ATP23: variants seen among roughly 807,000 people sequenced by gnomAD.
ATP23 encodes mitochondrial inner membrane protease ATP23 homolog.
A neutral mutation model predicts 28.5 loss-of-function variants in ATP23; 24 were observed. The ratio of observed to expected loss-of-function variants is 0.84; its 90% confidence interval spans 0.61 to 1.18. The LOEUF (loss-of-function observed/expected upper bound fraction) is 1.18. Among genes scored for constraint, ATP23 ranks in the 50% most tolerant of loss-of-function variants. ATP23 has a pLI of 0.00. For missense variants in ATP23, 274 were observed against 306.4 expected, an observed-to-expected ratio of 0.89 and a Z score of 0.79; for synonymous variants, 99 against 108.6, an observed-to-expected ratio of 0.91 and a Z score of 0.55.
At chr12:57,950,876 T>C (rs1565876032) in intron 3 of ATP23, among the ~76,000 whole-genome samples, 1 of 152,338 alleles carries the variant, frequency 6.6e-6, no homozygotes, top group South Asian at 2.1e-4. Flanking sequence ...ATGACAACTG[T>C]CATTGCATGT....
chr12:57,941,639 C>T lies in ATP23; in HGVS notation c.-63C>T. The T allele has an allele frequency of 2.6e-6, 4 of 1,555,178 alleles. No individual in the cohort carries two copies. The highest frequency in any genetic ancestry group is 1.8e-5 in the Admixed American group (1 of 54,404). ...GTCGCGTTGGCGGGAGGGAGGTTAC[C>T]TTTCCCAGTCTCGCTCTGGCCGCCT... On this transcript the variant is annotated 5_prime_UTR_variant, in exon 1 of 6. Coordinates refer to ENST00000300145, the MANE Select transcript of ATP23 (RefSeq NM_033276.4).
rs771749199 is a variant in ATP23, at chr12:57,951,796, T to C, written c.354T>C (p.His118=). Residue 118 remains histidine, a synonymous_variant, in exon 4 of 6, where the codon CAT becomes CAC. Coordinates refer to ENST00000300145, the MANE Select transcript of ATP23 (RefSeq NM_033276.4). ...LCQNNIHNQA[H]MNRVVTHELI... ...AGAATAATATCCATAATCAGGCCCATATGAACAGAGTGGTCACACACGAGC... is the reference window on the plus strand; with the variant it reads ...AGAATAATATCCATAATCAGGCCCACATGAACAGAGTGGTCACACACGAGC... The C allele has an allele frequency of 6.2e-7, 1 of 1,614,180 alleles. No individual in the cohort carries two copies. Among genetic ancestry groups the C allele is most frequent in the Non-Finnish European group, 8.5e-7 (1 of 1,180,028 alleles).
At chr12:57,945,899 C>T (rs116936883) in intron 2 of ATP23, among the ~76,000 whole-genome samples, 1,829 of 148,476 alleles carry the variant, frequency 0.012, 19 homozygotes, top group Non-Finnish European at 0.02. Flanking sequence ...GAGTCTCGCT[C>T]TTGTTGTCCA....
intron 3 of ATP23, among the ~76,000 whole-genome samples, chr12:57,951,200 G>T (rs1050354666): frequency 2.0e-4 from 31 of 152,066 alleles, no homozygotes; most frequent in African/African-American, 7.5e-4. Context: ...GGACAGTGGT[G>T]GTCATTCCTT....
rs2140544602 is a variant in ATP23 at position 57,956,675 on chromosome 12, CCTT to C, written c.538-8_538-6del. On this transcript the variant is annotated splice_polypyrimidine_tract_variant and intron_variant, in intron 5 of 5. Coordinates refer to ENST00000300145, the MANE Select transcript of ATP23 (RefSeq NM_033276.4). ...TATAAAATTAGAGCCTCATACTTTT[CCTT>C]CTTTTTAGACTTGTGTGCGAGACAG... 1 of 1,568,918 alleles carries C rather than the reference CCTT, an allele frequency of 6.4e-7. No individual in the cohort carries two copies. The highest frequency in any genetic ancestry group is 2.3e-5 in the East Asian group (1 of 43,568).
intron 3 of ATP23, 127 bp downstream of exon 3, chr12:57,947,203 T>C: frequency 1.2e-6 from 1 of 818,758 alleles, no homozygotes; most frequent in Non-Finnish European, 1.9e-6. Flanking sequence ...GAATTAGTTA[T>C]CCTTACTCTA....
At chr12:57,950,683 C>T (rs1334036123) in intron 3 of ATP23, among the ~76,000 whole-genome samples, 1 of 151,938 alleles carries the variant, frequency 6.6e-6, no homozygotes, top group East Asian at 1.9e-4. Context: ...TGCCACCATG[C>T]CTGGCTAATT....
Position 57,945,678 on chromosome 12 carries a change from G to A in ATP23, c.233+5G>A. ...TGCTATGAAACACTCAGGTTGGTAA[G>A]TAACTCTTTTTGAAGTGCTGCTCTG... On this transcript the variant is annotated splice_donor_5th_base_variant and intron_variant, in intron 2 of 5. Transcript: ENST00000300145. The A allele has an allele frequency of 6.2e-7, 1 of 1,613,606 alleles. No homozygotes were observed. Among genetic ancestry groups the A allele is most frequent in the South Asian group, 1.1e-5 (1 of 91,058 alleles).
rs771745355 is a variant in ATP23, at chr12:57,957,274, A to G, written c.*384A>G. On this transcript the variant is annotated 3_prime_UTR_variant, in exon 6 of 6. Transcript: ENST00000300145. ...ATGTAAAGAAATGTGTACTGATCTCATTGTAGGATACTTATTGAGCTGTTG... is the reference window on the plus strand; with the variant it reads ...ATGTAAAGAAATGTGTACTGATCTCGTTGTAGGATACTTATTGAGCTGTTG... The G allele has an allele frequency of 8.6e-5, 14 of 162,640 alleles. No homozygotes were observed. Among genetic ancestry groups the G allele is most frequent in the Non-Finnish European group, 8.0e-5 (6 of 75,260 alleles). 10.1% of individuals were successfully genotyped at this position (162,640 alleles called of 1,614,324 possible).
chr12:57,950,230 T>C (rs1320863850), intron 3 of ATP23, among the ~76,000 whole-genome samples: 2 of 152,194 alleles, frequency 1.3e-5, no homozygotes, highest in South Asian at 2.1e-4. Flanking sequence ...CCATTGCTCT[T>C]AGGGTAAAGA....
chr12:57,957,187 A>C lies in ATP23; in HGVS notation c.*297A>C. 1 of 240,378 alleles carries C rather than the reference A, an allele frequency of 4.2e-6. No individual in the cohort carries two copies. The highest frequency in any genetic ancestry group is 7.9e-6 in the Non-Finnish European group (1 of 126,660). The allele number at this position is 240,378 out of a possible 1,614,324, so 14.9% of individuals were successfully genotyped here. On this transcript the variant is annotated 3_prime_UTR_variant, in exon 6 of 6. Coordinates refer to ENST00000300145, the MANE Select transcript of ATP23 (RefSeq NM_033276.4). Reference sequence around the variant, plus strand: ...GTGATTATTTTAAAATTTGATTATGAAACCTGTGAAGTGTGCTCTTCCATG... The same window carrying C: ...GTGATTATTTTAAAATTTGATTATGCAACCTGTGAAGTGTGCTCTTCCATG...
chr12:57,947,161 G>A, intron 3 of ATP23, 85 bp downstream of exon 3: 1 of 1,303,994 alleles, frequency 7.7e-7, no homozygotes, highest in South Asian at 1.3e-5. Flanking sequence ...TCGGCATTCT[G>A]TTTGGTAGAC....
Position 57,941,713 on chromosome 12 carries a change from TCCGGACGAGCGCCGGCGGGGCC to T in ATP23, c.16_37del (p.Asp6ArgfsTer45). On this transcript the variant is annotated frameshift_variant, in exon 1 of 6. Transcript: ENST00000300145. LOFTEE classifies it high-confidence loss of function. ...GGTCTGCGGGAGGCATGGCGGGAGCTCCGGACGAGCGCCGGCGGGGCCCCGCGGCAGGGGAGCAGCTGCAGCA... is the reference window on the plus strand; with the variant it reads ...GGTCTGCGGGAGGCATGGCGGGAGCTCCGCGGCAGGGGAGCAGCTGCAGCA... 1.9e-6 allele frequency: 3 copies of T among 1,602,280 alleles called. No individual in the cohort carries two copies. Among genetic ancestry groups the T allele is most frequent in the Non-Finnish European group, 2.6e-6 (3 of 1,175,698 alleles).
chr12:57,949,313 A>G (rs1352844583), intron 3 of ATP23, among the ~76,000 whole-genome samples: 1 of 152,044 alleles, frequency 6.6e-6, no homozygotes, highest in African/African-American at 2.4e-5. Flanking sequence ...TAGCATTTAA[A>G]TGTCAAAGTC....
chr12:57,956,781 C>T lies in ATP23; in HGVS notation c.632C>T (p.Ser211Phe). 1 of 1,613,926 alleles carries T rather than the reference C, an allele frequency of 6.2e-7. No individual in the cohort carries two copies. Among genetic ancestry groups the T allele is most frequent in the East Asian group, 2.2e-5 (1 of 44,830 alleles). ...AAGGCTGTTGATGAAGTTTTTGAAT[C>T]TTGTTTCAATGACCATGAACCTTTT... The part of the protein sequence containing the change: ...AKKAVDEVFE[S>F]CFNDHEPFGR... The change falls in exon 6 of 6, where the codon TCT becomes TTT. Residue 211 changes from serine to phenylalanine, a missense_variant. By Grantham distance (155) the Ser-to-Phe change is radical. Transcript: ENST00000300145.
chr12:57,946,553 G>A (rs184020204), intron 2 of ATP23, among the ~76,000 whole-genome samples: 1,544 of 150,628 alleles, frequency 0.01, 6 homozygotes, highest in Non-Finnish European at 0.015. Flanking sequence ...CGCCTCCCGG[G>A]TTCAAGAGAT....
rs1477173961 is a variant in ATP23 at position 57,958,551 on chromosome 12, C to T, written c.*1661C>T. On this transcript the variant is annotated 3_prime_UTR_variant, in exon 6 of 6. Transcript: ENST00000300145. ...AGCCGAGAGACCCATAGACGGTTCA[C>T]ATCACAGGATTCTGTGCAGGCAACC... Among the ~76,000 whole-genome samples the T allele has an allele frequency of 6.6e-6, 1 of 152,230 alleles. No individual in the cohort carries two copies. Among genetic ancestry groups the T allele is most frequent in the Non-Finnish European group, 1.5e-5 (1 of 68,052 alleles).
At chr12:57,955,678 C>G (rs1565878412) in intron 5 of ATP23, among the ~76,000 whole-genome samples, 1 of 152,166 alleles carries the variant, frequency 6.6e-6, no homozygotes, top group Non-Finnish European at 1.5e-5. Flanking sequence ...GAGAAATTTC[C>G]TCTCTTTTTA....
At chr12:57,951,939 TA>T in intron 4 of ATP23, 44 bp downstream of exon 4, 1 of 1,602,252 alleles carries the variant, frequency 6.2e-7, no homozygotes, top group Admixed American at 1.7e-5. Context: ...TATGCTTGAA[TA>T]TTTTATTCAA....
Sources: gnomAD v4.1 joint callset for allele counts (sites outside exome capture counted in the v4.1 genomes callset) on GRCh38, gnomAD v4.1.1 for gene constraint, MANE v1.5 for transcripts, NCBI Gene and HGNC (gene_info 2026-07-23, HGNC 2026-07-21) for gene names.